OLFM3: variants seen among roughly 807,000 people sequenced by gnomAD.
OLFM3 encodes olfactomedin 3.
OLFM3 carries 20 observed loss-of-function variants against 48.6 expected under a neutral mutation model. The observed-to-expected ratio is 0.41, with a 90% confidence interval of 0.29 to 0.60. The LOEUF is 0.60. OLFM3 is among the 20% of genes least tolerant of loss of function. The pLI, the probability that OLFM3 is intolerant of heterozygous loss-of-function variation, is 0.28. For synonymous variants in OLFM3, 222 were observed against 198.1 expected (o/e 1.12, Z -1.01); for missense variants, 437 against 544.3 (o/e 0.80, Z 1.96).
At chr1:101,832,297 C>T (rs756877906) in intron 2 of OLFM3, among the ~76,000 whole-genome samples, 4 of 152,268 alleles carry the variant, frequency 2.6e-5, no homozygotes, top group Middle Eastern at 3.4e-3. Context: ...TGTTCAGACA[C>T]AAATTTTTGT....
At chr1:101,910,482 A>AG (rs1658724248) in intron 1 of OLFM3, among the ~76,000 whole-genome samples, 1 of 148,716 alleles carries the variant, frequency 6.7e-6, no homozygotes, top group Non-Finnish European at 1.5e-5. Context: ...AAAAAAAAAA[A>AG]AAGAAAGAAG....
intron 4 of OLFM3, among the ~76,000 whole-genome samples, chr1:101,812,185 T>C (rs903182185): frequency 1.9e-4 from 27 of 144,658 alleles, no homozygotes; most frequent in African/African-American, 6.0e-4. Flanking sequence ...GGGCCTTTCA[T>C]GGGGTGGGGG....
rs932001121 is a variant in OLFM3, at chr1:101,861,127, T to C, written c.70-24102A>G. Among the ~76,000 whole-genome samples the C allele has an allele frequency of 2.2e-4, 33 of 152,192 alleles. 2 individuals carry two copies. The highest frequency in any genetic ancestry group is 8.0e-4 in the African/African-American group (33 of 41,506). Reference sequence around the variant, plus strand: ...CCCAGGCTGGTGTGCAGTGGTGCGATCTCGGCTCACTGCAACCTCTGCTTC... The same window carrying C: ...CCCAGGCTGGTGTGCAGTGGTGCGACCTCGGCTCACTGCAACCTCTGCTTC... On this transcript the variant is annotated intron_variant, in intron 1 of 5. Transcript: ENST00000370103.
At chr1:101,812,188 G>GGTGGGGGGA (rs1441439869) in intron 4 of OLFM3, among the ~76,000 whole-genome samples, 1 of 151,950 alleles carries the variant, frequency 6.6e-6, no homozygotes, top group Non-Finnish European at 1.5e-5. Context: ...CCTTTCATGG[G>GGTGGGGGGA]GTGGGGGGAG....
At chr1:101,902,948 T>C (rs1658436078) in intron 1 of OLFM3, among the ~76,000 whole-genome samples, 1 of 152,096 alleles carries the variant, frequency 6.6e-6, no homozygotes, top group Non-Finnish European at 1.5e-5. Context: ...GTGAGTGGAT[T>C]GAAATATGAA....
At chr1:101,899,960 C>A (rs994795187) in intron 1 of OLFM3, among the ~76,000 whole-genome samples, 5 of 151,974 alleles carry the variant, frequency 3.3e-5, no homozygotes, top group Non-Finnish European at 7.4e-5. Context: ...TTAAGGAACC[C>A]TTTTCTGTCA....
At chr1:101,829,532 A>G (rs1199986437) in intron 3 of OLFM3, among the ~76,000 whole-genome samples, 2 of 152,244 alleles carry the variant, frequency 1.3e-5, no homozygotes, top group African/African-American at 4.8e-5. Context: ...GAAGAAAATT[A>G]CAAAACCATG....
At chr1:101,907,060 G>T (rs1658578054) in intron 1 of OLFM3, among the ~76,000 whole-genome samples, 1 of 152,094 alleles carries the variant, frequency 6.6e-6, no homozygotes, top group East Asian at 1.9e-4. Context: ...AATAAAAAAA[G>T]ATTAAAATTG....
intron 1 of OLFM3, among the ~76,000 whole-genome samples, chr1:101,849,470 G>A (rs1048398045): frequency 2.6e-5 from 4 of 152,140 alleles, no homozygotes; most frequent in Non-Finnish European, 4.4e-5. Flanking sequence ...AGGGCTTCAG[G>A]GTCACCCAAA....
In OLFM3 at chr1:101,844,875, G is replaced by T. The variant is rs74107951; in HGVS notation, c.70-7850C>A. Among the ~76,000 whole-genome samples the T allele has an allele frequency of 3.5e-3, 533 of 152,150 alleles. 5 individuals are homozygous for T. Among genetic ancestry groups the T allele is most frequent in the African/African-American group, 0.012 (509 of 41,516 alleles). On this transcript the variant is annotated intron_variant, in intron 1 of 5. Coordinates refer to ENST00000370103, the MANE Select transcript of OLFM3 (RefSeq NM_058170.4). ...ACATAACTGGCTTGATGGTTTCTAA[G>T]ATCCTTTCCACCTTTCTAGCATTAA... is the stretch of plus-strand genomic sequence containing the variant.
chr1:101,942,386 T>G (rs1358590125), intron 1 of OLFM3, among the ~76,000 whole-genome samples: 1 of 152,208 alleles, frequency 6.6e-6, no homozygotes, highest in Non-Finnish European at 1.5e-5. Flanking sequence ...AGAAATTTAA[T>G]TTTGTAATTG....
chr1:101,978,038 A>G lies in OLFM3; in HGVS notation c.69+18710T>C, dbSNP rs1208545978. Among the ~76,000 whole-genome samples, 3 of 152,248 alleles carry G rather than the reference A, an allele frequency of 2.0e-5. No individual in the cohort carries two copies. In the East Asian group the frequency reaches 5.8e-4, roughly 29 times the overall value. ...ACAAGGTAGAACATATAGCATGAGCAATATTTTTTGAAGACTAATCTACTG... is the reference window on the plus strand; with the variant it reads ...ACAAGGTAGAACATATAGCATGAGCGATATTTTTTGAAGACTAATCTACTG... On this transcript the variant is annotated intron_variant, in intron 1 of 5. Coordinates refer to ENST00000370103, the MANE Select transcript of OLFM3 (RefSeq NM_058170.4).
intron 1 of OLFM3, among the ~76,000 whole-genome samples, chr1:101,864,711 C>G (rs1656790267): frequency 6.6e-6 from 1 of 152,122 alleles, no homozygotes; most frequent in South Asian, 2.1e-4. Flanking sequence ...GATCAAGAGA[C>G]AGTGTGGTTG....
Position 101,819,426 on chromosome 1 carries a change from A to G in OLFM3, c.592+5600T>C, listed in dbSNP as rs533364082. Among the ~76,000 whole-genome samples, 4 of 152,198 alleles carry G rather than the reference A, an allele frequency of 2.6e-5. No homozygotes were observed. In the East Asian group the frequency reaches 7.7e-4, roughly 29 times the overall value. On this transcript the variant is annotated intron_variant, in intron 4 of 5. Transcript: ENST00000370103. Reference sequence around the variant, plus strand: ...ATTTGTATTGGGGAAAGATCACACTAAATATTTTTTAGTGATGGAGAGCCA... The same window carrying G: ...ATTTGTATTGGGGAAAGATCACACTGAATATTTTTTAGTGATGGAGAGCCA...
intron 1 of OLFM3, among the ~76,000 whole-genome samples, chr1:101,914,359 GTAACTGGGAGCA>G (rs1658858764): frequency 6.6e-6 from 1 of 152,146 alleles, no homozygotes; most frequent in Admixed American, 6.5e-5. Flanking sequence ...GTCTCCGCCA[GTAACTGGGAGCA>G]TAACTGAGGG....
chr1:101,838,603 A>C (rs1311397008), intron 1 of OLFM3, among the ~76,000 whole-genome samples: 1 of 152,154 alleles, frequency 6.6e-6, no homozygotes, highest in Non-Finnish European at 1.5e-5. Context: ...TTATTTTTCT[A>C]GCTTCTCCTG....
chr1:101,837,273 A>G (rs1655472335), intron 1 of OLFM3, among the ~76,000 whole-genome samples: 1 of 152,272 alleles, frequency 6.6e-6, no homozygotes, highest in East Asian at 1.9e-4. Flanking sequence ...ACTGATTTTG[A>G]TCTCATACTA....
At chr1:101,944,626 T>A (rs964359943) in intron 1 of OLFM3, among the ~76,000 whole-genome samples, 7 of 152,130 alleles carry the variant, frequency 4.6e-5, no homozygotes, top group African/African-American at 1.7e-4. Context: ...ATGCCTGTAA[T>A]CCCAGCACTT....
intron 4 of OLFM3, among the ~76,000 whole-genome samples, chr1:101,814,078 C>T (rs936229554): frequency 1.3e-5 from 2 of 152,108 alleles, no homozygotes; most frequent in South Asian, 2.1e-4. Flanking sequence ...AGTTTCTCCA[C>T]ATTTGATGAC....
Sources: gnomAD v4.1 joint callset for allele counts (sites outside exome capture counted in the v4.1 genomes callset) on GRCh38, gnomAD v4.1.1 for gene constraint, MANE v1.5 for transcripts, NCBI Gene and HGNC (gene_info 2026-07-23, HGNC 2026-07-21) for gene names.